ATXN10: variants seen among roughly 807,000 people sequenced by gnomAD.
ATXN10 encodes ataxin 10, also known as ataxin-10.
Under a neutral mutation model 52.9 loss-of-function variants are expected in ATXN10, and 28 were observed. That is an observed-to-expected ratio of 0.53 (90% confidence interval 0.39 to 0.73). The LOEUF is 0.73. Ranked by LOEUF, ATXN10 falls within the 30% of genes least tolerant of loss-of-function variation. The probability of loss-of-function intolerance (pLI) is 0.00; values close to 1 mark genes in which losing one functional copy is unlikely to be tolerated. For missense variants in ATXN10, 565 were observed against 577.0 expected, an observed-to-expected ratio of 0.98 and a Z score of 0.21; for synonymous variants, 226 against 221.5, an observed-to-expected ratio of 1.02 and a Z score of -0.18.
intron 5 of ATXN10, among the ~76,000 whole-genome samples, chr22:45,710,443 C>G (rs1312661648): frequency 1.3e-5 from 2 of 152,188 alleles, no homozygotes; most frequent in Non-Finnish European, 2.9e-5. Flanking sequence ...TCCTGTAAAC[C>G]CGTATCGCTT....
intron 9 of ATXN10, among the ~76,000 whole-genome samples, chr22:45,751,907 TAAAA>T (rs986987848): frequency 6.8e-6 from 1 of 148,042 alleles, no homozygotes; most frequent in African/African-American, 2.5e-5. Flanking sequence ...TATGTTCCTA[TAAAA>T]GACTTTTTTC....
chr22:45,702,980 AT>A, intron 5 of ATXN10, 133 bp downstream of exon 5: 1 of 1,110,988 alleles, frequency 9.0e-7, no homozygotes, highest in Non-Finnish European at 1.3e-6. Flanking sequence ...TGTTGACAGA[AT>A]TAGAGAAGAT....
At chr22:45,796,368 C>G (rs1407883879) in intron 9 of ATXN10, among the ~76,000 whole-genome samples, 1 of 152,186 alleles carries the variant, frequency 6.6e-6, no homozygotes. Flanking sequence ...ATCAGTAATT[C>G]TAGTTTCGCC....
Position 45,784,770 on chromosome 22 carries a change from G to GC in ATXN10, c.1174-22188dup, listed in dbSNP as rs1927266652. On this transcript the variant is annotated intron_variant, in intron 9 of 11. Coordinates refer to ENST00000252934, the MANE Select transcript of ATXN10 (RefSeq NM_013236.4). The surrounding 1 kb of genome is among the most constrained non-coding windows in gnomAD (Gnocchi z 4.2). Reference sequence around the variant, plus strand: ...TTCCCAGCACGGGCTGGACACTTGAGCTCCCAGCAAGCCTTTATTTTTTTA... The same window carrying GC: ...TTCCCAGCACGGGCTGGACACTTGAGCCTCCCAGCAAGCCTTTATTTTTTTA... Among the ~76,000 whole-genome samples the GC allele has an allele frequency of 6.6e-6, 1 of 152,210 alleles. No individual in the cohort carries two copies. Among genetic ancestry groups the GC allele is most frequent in the African/African-American group, 2.4e-5 (1 of 41,462 alleles).
At chr22:45,723,251 A>G (rs1274241150) in intron 6 of ATXN10, among the ~76,000 whole-genome samples, 1 of 151,764 alleles carries the variant, frequency 6.6e-6, no homozygotes, top group Non-Finnish European at 1.5e-5. Flanking sequence ...ATAAAATTTC[A>G]GTAGCTTTTG....
At chr22:45,719,753 C>T (rs772424801) in intron 6 of ATXN10, among the ~76,000 whole-genome samples, 1 of 152,096 alleles carries the variant, frequency 6.6e-6, no homozygotes, top group Non-Finnish European at 1.5e-5. Flanking sequence ...TGCATCCTTA[C>T]TTCATTCAAG....
chr22:45,738,651 T>C (rs1157940047), intron 7 of ATXN10, 80 bp from the exon 8 acceptor site: 8 of 1,174,316 alleles, frequency 6.8e-6, no homozygotes, highest in Non-Finnish European at 9.9e-6. Context: ...TGAAATATTT[T>C]ATTCTCTTAC....
intron 10 of ATXN10, among the ~76,000 whole-genome samples, chr22:45,834,413 T>A (rs1368390155): frequency 2.0e-5 from 3 of 152,168 alleles, no homozygotes; most frequent in Non-Finnish European, 2.9e-5. Context: ...TGCCACCATC[T>A]GGGCAGTGAA....
chr22:45,806,658 A>T (rs1928109257), intron 9 of ATXN10, among the ~76,000 whole-genome samples: 1 of 152,084 alleles, frequency 6.6e-6, no homozygotes, highest in Non-Finnish European at 1.5e-5. Context: ...TTTAGATCTC[A>T]TATCTATCTG....
chr22:45,795,416 TTC>T lies in ATXN10; in HGVS notation c.1174-11541_1174-11540del, dbSNP rs1393906252. Among the ~76,000 whole-genome samples the T allele has an allele frequency of 8.4e-3, 1,058 of 126,272 alleles. 13 individuals carry two copies. The highest frequency in any genetic ancestry group is 0.027 in the African/African-American group (965 of 35,220). The allele number at this position is 126,272 out of a possible 152,430, so 82.8% of individuals were successfully genotyped here. On this transcript the variant is annotated intron_variant, in intron 9 of 11. Transcript: ENST00000252934. The surrounding 1 kb of genome is among the most constrained non-coding windows in gnomAD (Gnocchi z 4.6). The stretch of plus-strand genomic sequence containing the variant: ...TTCTATTCTATTCTATTCTATTCTA[TTC>T]TATTCTTTTTGAGATGAAGTCTCTC...
chr22:45,755,201 CAG>C (rs1270301072), intron 9 of ATXN10, among the ~76,000 whole-genome samples: 1 of 152,224 alleles, frequency 6.6e-6, no homozygotes, highest in Non-Finnish European at 1.5e-5. Context: ...TTCAGATAGT[CAG>C]AGGTGTGGCC....
intron 9 of ATXN10, among the ~76,000 whole-genome samples, chr22:45,751,349 G>A (rs1452949488): frequency 1.3e-5 from 2 of 152,076 alleles, no homozygotes; most frequent in African/African-American, 4.8e-5. Flanking sequence ...AAAGTAAAAC[G>A]TTAGCATTGG....
In ATXN10 at chr22:45,795,032, A is replaced by G. The variant is rs1471592409; in HGVS notation, c.1174-11927A>G. 6.6e-6 allele frequency among the ~76,000 whole-genome samples: 1 copy of G among 152,220 alleles called. No homozygotes were observed. Among genetic ancestry groups the G allele is most frequent in the African/African-American group, 2.4e-5 (1 of 41,448 alleles). On this transcript the variant is annotated intron_variant, in intron 9 of 11. Coordinates refer to ENST00000252934, the MANE Select transcript of ATXN10 (RefSeq NM_013236.4). The surrounding 1 kb of genome is among the most constrained non-coding windows in gnomAD (Gnocchi z 4.6). ...ATGAGAGTAATTGCCCAAAGATTAA[A>G]CAGAGTATACAGTTACAACATTCTT...
At position 45,690,399 on chromosome 22, in the gene ATXN10, T is replaced by G. The variant is rs933958657; in HGVS notation, c.308+496T>G. Reference sequence around the variant, plus strand: ...GCCTTGCCATTGGAGTCTCTCTGACTAGTGTATAAAATAATGGAGTGTGTT... The same window carrying G: ...GCCTTGCCATTGGAGTCTCTCTGACGAGTGTATAAAATAATGGAGTGTGTT... On this transcript the variant is annotated intron_variant, in intron 2 of 11. Transcript: ENST00000252934. The surrounding 1 kb of genome is among the most constrained non-coding windows in gnomAD (Gnocchi z 4.5). Among the ~76,000 whole-genome samples, 1 of 152,194 alleles carries G rather than the reference T, an allele frequency of 6.6e-6. No homozygotes were observed. The highest frequency in any genetic ancestry group is 1.5e-5 in the Non-Finnish European group (1 of 68,036).
In ATXN10 at chr22:45,688,096, T is replaced by TA. The variant is rs1413584450; in HGVS notation, c.117-1615dup. Among the ~76,000 whole-genome samples the TA allele has an allele frequency of 1.3e-5, 2 of 152,162 alleles. No homozygotes were observed. Among genetic ancestry groups the TA allele is most frequent in the Non-Finnish European group, 2.9e-5 (2 of 68,034 alleles). ...TTAGTGAGTATTCTTCCATTCTTCT[T>TA]ACGGCAATGCTGTCACTAAAAAATG... On this transcript the variant is annotated intron_variant, in intron 1 of 11. Coordinates refer to ENST00000252934, the MANE Select transcript of ATXN10 (RefSeq NM_013236.4). The surrounding 1 kb of genome is among the most constrained non-coding windows in gnomAD (Gnocchi z 4.0).
intron 9 of ATXN10, among the ~76,000 whole-genome samples, chr22:45,742,759 AG>A (rs1925585952): frequency 6.6e-6 from 1 of 152,238 alleles, no homozygotes; most frequent in South Asian, 2.1e-4. Context: ...ACCAAACGCT[AG>A]ACAACTTGCA....
intron 10 of ATXN10, among the ~76,000 whole-genome samples, chr22:45,827,129 C>CCACACACA (rs57068887): frequency 6.8e-6 from 1 of 146,614 alleles, no homozygotes; most frequent in Non-Finnish European, 1.5e-5. Flanking sequence ...CCCATGGTAA[C>CCACACACA]CACACACACA....
At chr22:45,711,341 G>A (rs1316643078) in intron 5 of ATXN10, among the ~76,000 whole-genome samples, 1 of 152,106 alleles carries the variant, frequency 6.6e-6, no homozygotes, top group African/African-American at 2.4e-5. Flanking sequence ...CAGAAATGGA[G>A]AACGGATTAG....
intron 9 of ATXN10, among the ~76,000 whole-genome samples, chr22:45,778,881 A>C (rs765338840): frequency 4.6e-5 from 7 of 152,210 alleles, no homozygotes; most frequent in Non-Finnish European, 8.8e-5. Context: ...TATTTGTACA[A>C]AAAGGTCCTA....
Sources: allele counts gnomAD v4.1 joint callset (sites outside exome capture counted in the v4.1 genomes callset), GRCh38; gene constraint gnomAD v4.1.1; non-coding constraint Gnocchi (gnomAD v3.1); transcripts MANE v1.5; gene names NCBI Gene and HGNC (gene_info 2026-07-23, HGNC 2026-07-21).